Variants in KCNC4 observed in about 807,000 individuals in gnomAD.
The protein encoded by KCNC4 is voltage-gated potassium channel KCNC4.
In KCNC4, 23 loss-of-function variants were observed where a neutral mutation model predicts 42.8. The observed-to-expected ratio is 0.54, with a 90% CI of 0.39 to 0.76. KCNC4 has a LOEUF of 0.76. Among genes scored for constraint, KCNC4 ranks in the 30% least tolerant of loss-of-function variants. The pLI, the probability that KCNC4 is intolerant of heterozygous loss-of-function variation, is 0.00. For missense variants in KCNC4, 751 were observed against 898.2 expected (o/e 0.84, Z 2.10); for synonymous variants, 422 against 393.5 (o/e 1.07, Z -0.86).
chr1:110,234,397 G>A (rs537087628), downstream of KCNC4: 1 of 152,288 alleles, frequency 6.6e-6, no homozygotes, highest in Non-Finnish European at 1.5e-5. Flanking sequence ...CCCTGCAATT[G>A]TACCAGTTCT....
At chr1:110,254,074 A>G (rs1659287703), downstream of KCNC4, among the ~76,000 whole-genome samples, 1 of 130,208 alleles carries the variant, frequency 7.7e-6, no homozygotes, top group Admixed American at 7.8e-5. Context: ...ATGAGAAGGA[A>G]GAAATAGGCA....
Position 110,223,824 on chromosome 1 carries a change from T to G in KCNC4, c.1539T>G (p.Thr513=), listed in dbSNP as rs200706008. The part of the protein sequence containing the change: ...ESPMYCKSEE[T]SPRDSTCSDT... ...CCATGTACTGCAAGTCTGAGGAGAC[T>G]TCCCCCCGGGACAGCACCTGCAGTG... The change falls in exon 2 of 4, where the codon ACT becomes ACG. Residue 513 remains threonine (T), a synonymous_variant. Coordinates refer to ENST00000438661, the MANE Select transcript of KCNC4 (RefSeq NM_001039574.3). The surrounding 1 kb of genome is among the most constrained non-coding windows in gnomAD (Gnocchi z 7.5). The G allele has an allele frequency of 6.2e-7, 1 of 1,613,500 alleles. No homozygotes were observed.
In KCNC4 at chr1:110,223,063, A is replaced by C. The variant is rs952397005; in HGVS notation, c.778A>C (p.Ile260Leu). 1.7e-5 allele frequency: 28 copies of C among 1,614,052 alleles called. No homozygotes were observed. The highest frequency in any genetic ancestry group is 2.4e-5 in the Non-Finnish European group (28 of 1,180,038). Residue 260 changes from isoleucine (I) to leucine (L), a missense_variant, in exon 2 of 4, where the codon ATC becomes CTC. Around this residue, in one of 4 missense-constraint regions of KCNC4, gnomAD observed 181 missense variants for 167.3 expected, o/e 1.08. Transcript: ENST00000438661. The surrounding 1 kb of genome is among the most constrained non-coding windows in gnomAD (Gnocchi z 7.5). ...TAATATCGACCGCAACGTGACAGAG[A>C]TCCTCCGCGTAGGGAACATCACCAG... ...AFNIDRNVTE[I>L]LRVGNITSVH... is the part of the protein sequence containing the mutation.
chr1:110,232,110 A>G, intron 3 of KCNC4: 1 of 1,012,918 alleles, frequency 9.9e-7, no homozygotes, highest in Non-Finnish European at 1.5e-6. Flanking sequence ...TAGGGGAAGG[A>G]AAGGCCCAGG....
chr1:110,223,922 G>GA lies in KCNC4; in HGVS notation c.1615+26dup. The GA allele has an allele frequency of 6.5e-7, 1 of 1,549,854 alleles. No homozygotes were observed. The highest frequency in any genetic ancestry group is 8.8e-7 in the Non-Finnish European group (1 of 1,140,256). ...GCAGGTGAGATTAGGGGTTGGGAAG[G>GA]AAAATCCCTTTTCCCCCAGTGGCCT... is the stretch of plus-strand genomic sequence containing the variant. On this transcript the variant is annotated intron_variant, in intron 2 of 3. Coordinates refer to ENST00000438661, the MANE Select transcript of KCNC4 (RefSeq NM_001039574.3). This position sits in a 1 kb window ranked among gnomAD's most constrained non-coding sequence, Gnocchi z 7.5.
At chr1:110,227,574 G>A (rs1279040376) in intron 3 of KCNC4, among the ~76,000 whole-genome samples, 1 of 152,134 alleles carries the variant, frequency 6.6e-6, no homozygotes, top group Non-Finnish European at 1.5e-5. Context: ...CCTATCCTTG[G>A]GCCTGGATTT....
chr1:110,236,964 A>G (rs542568034), downstream of KCNC4: 3 of 152,270 alleles, frequency 2.0e-5, no homozygotes, highest in Non-Finnish European at 2.9e-5. Flanking sequence ...TTGTGGGTAC[A>G]TAGTAGGTAT....
At chr1:110,259,482 T>C (rs543898208) in intron 1 of KCNC4, among the ~76,000 whole-genome samples, 1 of 152,342 alleles carries the variant, frequency 6.6e-6, no homozygotes, top group South Asian at 2.1e-4. Context: ...GTTCAGTTGA[T>C]ACCTGATCTC....
chr1:110,232,377 G>C (rs1658739779), intron 3 of KCNC4: 8 of 1,567,006 alleles, frequency 5.1e-6, no homozygotes, highest in Non-Finnish European at 6.9e-6. Context: ...TGGGACAATG[G>C]AATATCCCAG....
chr1:110,273,590 T>G (rs1659671086), intron 1 of KCNC4, among the ~76,000 whole-genome samples: 1 of 152,238 alleles, frequency 6.6e-6, no homozygotes, highest in Non-Finnish European at 1.5e-5. Flanking sequence ...CCCTGCCCAC[T>G]GATGGCCACC....
exon 4 of KCNC4, chr1:110,246,766 C>CTTTTTTTTTTTTTTTTTTTT (rs61165830): frequency 1.4e-5 from 2 of 139,370 alleles, no homozygotes; most frequent in Non-Finnish European, 3.1e-5. Flanking sequence ...TTTTTCTTTT[C>CTTTTTTTTTTTTTTTTTTTT]TTTTTTTTTT....
exon 4 of KCNC4, chr1:110,241,045 G>A (rs1659022945): frequency 6.6e-6 from 1 of 152,394 alleles, no homozygotes. Flanking sequence ...CAGGGCGCCT[G>A]GGGGCGGGAT....
intron 1 of KCNC4, among the ~76,000 whole-genome samples, chr1:110,272,047 A>G (rs1202957775): frequency 6.6e-6 from 1 of 152,148 alleles, no homozygotes; most frequent in Non-Finnish European, 1.5e-5. Context: ...AACTGATCTA[A>G]CATAGTAATT....
At position 110,211,815 on chromosome 1, in the gene KCNC4, G is replaced by C. The variant is rs775866535; in HGVS notation, c.316G>C (p.Val106Leu). The change falls in exon 1 of 4, where the codon GTG (valine) becomes CTG (leucine). Residue 106 changes from valine to leucine, a missense_variant. By Grantham distance (32) the Val-to-Leu change is conservative. Transcript: ENST00000438661. The surrounding 1 kb of genome is among the most constrained non-coding windows in gnomAD (Gnocchi z 6.5). ...FDRHPGVFAY[V>L]LNYYRTGKLH... Reference sequence around the variant, plus strand: ...CAGGCACCCGGGCGTCTTCGCCTACGTGCTCAACTACTACCGCACCGGCAA... The same window carrying C: ...CAGGCACCCGGGCGTCTTCGCCTACCTGCTCAACTACTACCGCACCGGCAA... The C allele has an allele frequency of 6.2e-7, 1 of 1,611,564 alleles. No homozygotes were observed. The highest frequency in any genetic ancestry group is 8.5e-7 in the Non-Finnish European group (1 of 1,179,810).
intron 1 of KCNC4, among the ~76,000 whole-genome samples, chr1:110,213,278 G>A (rs150606576): frequency 4.4e-4 from 65 of 148,272 alleles, no homozygotes; most frequent in African/African-American, 1.4e-3. Context: ...GCAGCCTAAA[G>A]CCTGGCTGGA....
intron 1 of KCNC4, among the ~76,000 whole-genome samples, chr1:110,212,908 G>A (rs1040593716): frequency 1.3e-5 from 2 of 152,056 alleles, no homozygotes; most frequent in Non-Finnish European, 2.9e-5. Flanking sequence ...AGGCTCCCAC[G>A]GCCAGTGGCC....
At chr1:110,217,950 G>A (rs1442740060) in intron 1 of KCNC4, among the ~76,000 whole-genome samples, 1 of 152,150 alleles carries the variant, frequency 6.6e-6, no homozygotes, top group Non-Finnish European at 1.5e-5. Context: ...TCCCTGGAAG[G>A]CTCAGTCCCT....
chr1:110,274,982 G>C (rs1659692860), intron 1 of KCNC4, among the ~76,000 whole-genome samples: 2 of 152,132 alleles, frequency 1.3e-5, no homozygotes, highest in Admixed American at 6.5e-5. Flanking sequence ...GACCTCAAAA[G>C]CACAAGCAAT....
chr1:110,223,496 G>A lies in KCNC4; in HGVS notation c.1211G>A (p.Arg404His). 1 of 1,613,914 alleles carries A rather than the reference G, an allele frequency of 6.2e-7. No homozygotes were observed. Among genetic ancestry groups the A allele is most frequent in the Non-Finnish European group, 8.5e-7 (1 of 1,180,036 alleles). The change falls in exon 2 of 4, where the codon CGC becomes CAC. Residue 404 changes from arginine to histidine, a missense_variant. Coordinates refer to ENST00000438661, the MANE Select transcript of KCNC4 (RefSeq NM_001039574.3). The surrounding 1 kb of genome is among the most constrained non-coding windows in gnomAD (Gnocchi z 7.5). ...GCCACCATGATCTACTACGCTGAGC[G>A]CATTGGGGCCAGGCCCTCCGACCCT... Reference protein sequence around the residue: ...IFATMIYYAERIGARPSDPRG... With the variant: ...IFATMIYYAEHIGARPSDPRG...
Sources: gnomAD v4.1 joint callset for allele counts (sites outside exome capture counted in the v4.1 genomes callset) on GRCh38, gnomAD v4.1.1 for gene constraint, gnomAD v4.1.1 regional missense constraint, Gnocchi (gnomAD v3.1) non-coding constraint, MANE v1.5 for transcripts, NCBI Gene and HGNC (gene_info 2026-07-23, HGNC 2026-07-21) for gene names.